Variants in TUSC3 observed in about 807,000 individuals in gnomAD.
The protein encoded by TUSC3 is tumor suppressor candidate 3.
In TUSC3, 45 loss-of-function variants were observed where a neutral mutation model predicts 44.8. The observed-to-expected ratio is 1.00, with a 90% CI of 0.79 to 1.29. The LOEUF is 1.29. Ranked by LOEUF, TUSC3 falls within the 50% of genes most tolerant of loss-of-function variation. TUSC3 has a pLI of 0.00. For synonymous variants in TUSC3, 212 were observed against 152.9 expected (o/e 1.39, Z -2.85); for missense variants, 519 against 437.9 (o/e 1.19, Z -1.65).
intron 1 of TUSC3, among the ~76,000 whole-genome samples, chr8:15,444,887 A>G (rs181508985): frequency 6.7e-4 from 102 of 152,288 alleles, no homozygotes; most frequent in African/African-American, 2.4e-3. Flanking sequence ...GAGAAATGTC[A>G]AAGTCCCGGC....
the TUSC3 span, among the ~76,000 whole-genome samples, chr8:15,843,458 G>T: frequency 6.6e-6 from 1 of 151,948 alleles, no homozygotes; most frequent in Non-Finnish European, 1.5e-5. Context: ...AAAACTTAAA[G>T]AGATGAATTT....
chr8:15,578,948 G>C (rs918755215), intron 1 of TUSC3, among the ~76,000 whole-genome samples: 14 of 152,044 alleles, frequency 9.2e-5, no homozygotes, highest in African/African-American at 3.4e-4. Context: ...TCTGGTCCTG[G>C]ACTCTTTTTG....
At chr8:15,523,668 G>A (rs904580599) in intron 2 of TUSC3, among the ~76,000 whole-genome samples, 3,644 of 24,134 alleles carry the variant, frequency 0.15, 111 homozygotes, top group Admixed American at 0.17. Context: ...ATATATATGT[G>A]TGTGTGTGTG....
At chr8:15,539,345 C>CTTTTTTT (rs35685582), upstream of TUSC3, among the ~76,000 whole-genome samples, 382 of 69,408 alleles carry the variant, frequency 5.5e-3, 43 homozygotes, top group African/African-American at 8.3e-3. Flanking sequence ...TGCTATGGTT[C>CTTTTTTT]TTTTTTTTTT....
chr8:15,690,933 C>G (rs1808874513), intron 6 of TUSC3, among the ~76,000 whole-genome samples: 1 of 151,560 alleles, frequency 6.6e-6, no homozygotes, highest in Non-Finnish European at 1.5e-5. Flanking sequence ...TCTGGTAATG[C>G]CAAATGCCTC....
chr8:15,469,889 C>T (rs561446564), intron 1 of TUSC3, among the ~76,000 whole-genome samples: 27 of 152,208 alleles, frequency 1.8e-4, no homozygotes, highest in Non-Finnish European at 3.5e-4. Context: ...AGAAGCCAGT[C>T]TGAAAAGACT....
chr8:15,729,280 G>A (rs1253619511), intron 6 of TUSC3, among the ~76,000 whole-genome samples: 3 of 152,062 alleles, frequency 2.0e-5, no homozygotes, highest in East Asian at 1.9e-4. Flanking sequence ...TTTACTTGAC[G>A]TTCCTCCTCT....
intron 5 of TUSC3, among the ~76,000 whole-genome samples, chr8:15,669,763 C>A (rs1563163874): frequency 6.6e-6 from 1 of 151,556 alleles, no homozygotes; most frequent in African/African-American, 2.4e-5. Context: ...TCCTAAAATT[C>A]CTGAGATAAG....
At chr8:15,806,863 T>C in the TUSC3 span, 1 of 1,106,580 alleles carries the variant, frequency 9.0e-7, no homozygotes, top group Non-Finnish European at 1.4e-6. Context: ...TCATAGTTAA[T>C]GAAATAATTA....
At chr8:15,835,991 T>A in the TUSC3 span, among the ~76,000 whole-genome samples, 2 of 152,170 alleles carry the variant, frequency 1.3e-5, no homozygotes, top group African/African-American at 4.8e-5. Flanking sequence ...TCATTGCAAA[T>A]TCCACTCTTT....
chr8:15,472,338 C>A (rs1800504685), intron 1 of TUSC3, among the ~76,000 whole-genome samples: 1 of 152,124 alleles, frequency 6.6e-6, no homozygotes, highest in Non-Finnish European at 1.5e-5. Context: ...CAGAAATGAA[C>A]ATAAAAGAAA....
At chr8:15,631,335 T>G (rs747737900) in intron 2 of TUSC3, among the ~76,000 whole-genome samples, 17 of 152,202 alleles carry the variant, frequency 1.1e-4, no homozygotes, top group Non-Finnish European at 2.4e-4. Context: ...CCATTTTTAC[T>G]GTTTACAGCA....
At chr8:15,518,317 A>G (rs1451248496) in intron 2 of TUSC3, among the ~76,000 whole-genome samples, 1 of 152,060 alleles carries the variant, frequency 6.6e-6, no homozygotes, top group African/African-American at 2.4e-5. Context: ...ATTTGCTATA[A>G]TCTCAAATTA....
chr8:15,676,541 T>C (rs1808198750), intron 6 of TUSC3, among the ~76,000 whole-genome samples: 1 of 152,204 alleles, frequency 6.6e-6, no homozygotes, highest in South Asian at 2.1e-4. Context: ...CATAAATGCT[T>C]TGCCAAGGCC....
chr8:15,621,114 T>C (rs186729855), intron 1 of TUSC3, among the ~76,000 whole-genome samples: 2 of 151,964 alleles, frequency 1.3e-5, no homozygotes, highest in East Asian at 3.9e-4. Flanking sequence ...TTACCCTGCT[T>C]GATTTCCACT....
At chr8:15,805,236 G>A in the TUSC3 span, among the ~76,000 whole-genome samples, 1 of 152,116 alleles carries the variant, frequency 6.6e-6, no homozygotes, top group African/African-American at 2.4e-5. Context: ...TTTCGGTGGA[G>A]TCTTTAGGGT....
intron 2 of TUSC3, among the ~76,000 whole-genome samples, chr8:15,627,278 G>A (rs1210741199): frequency 6.6e-6 from 1 of 152,160 alleles, no homozygotes; most frequent in Non-Finnish European, 1.5e-5. Context: ...AGCCTGCCTG[G>A]CAGAAAGGAG....
At chr8:15,515,140 G>C (rs550344435) in intron 2 of TUSC3, among the ~76,000 whole-genome samples, 5 of 152,204 alleles carry the variant, frequency 3.3e-5, no homozygotes, top group South Asian at 4.1e-4. Flanking sequence ...ATCAGAAAAT[G>C]GGAGTCTTCT....
At chr8:15,650,538 GA>G (rs1204786427) in intron 2 of TUSC3, among the ~76,000 whole-genome samples, 158 bp from the exon 3 acceptor site, 1 of 151,978 alleles carries the variant, frequency 6.6e-6, no homozygotes, top group African/African-American at 2.4e-5. Context: ...TCATGTCAGA[GA>G]ATCCTTTTTT....
Sources: gnomAD v4.1 joint callset for allele counts (sites outside exome capture counted in the v4.1 genomes callset) on GRCh38, gnomAD v4.1.1 for gene constraint, MANE v1.5 for transcripts, NCBI Gene and HGNC (gene_info 2026-07-23, HGNC 2026-07-21) for gene names.